POLR2F: variants seen among roughly 807,000 people sequenced by gnomAD.
POLR2F encodes the protein RNA polymerase II, I and III subunit F.
In POLR2F, 12 loss-of-function variants were observed where a neutral mutation model predicts 22.7. The observed-to-expected ratio is 0.53, with a 90% CI of 0.34 to 0.86. The LOEUF (loss-of-function observed/expected upper bound fraction) is 0.86, where lower values mean the gene tolerates loss of function less well. Ranked by LOEUF, POLR2F falls within the 40% of genes least tolerant of loss-of-function variation. The pLI is 0.02. For synonymous variants in POLR2F, 57 were observed against 66.0 expected (o/e 0.86, Z 0.66); for missense variants, 126 against 171.5 (o/e 0.73, Z 1.48).
chr22:38,018,492 CAGGCCTCAGGCTTAGGGTGGGGTCA>C (rs1253592382), intron 1 of POLR2F, among the ~76,000 whole-genome samples: 1 of 151,964 alleles, frequency 6.6e-6, no homozygotes, highest in East Asian at 1.9e-4. Flanking sequence ...GGGTCAGGGT[CAGGCCTCAGGCTTAGGGTGGGGTCA>C]AGGCCTCAGG....
At chr22:37,991,437 T>A (rs933927564) in intron 1 of POLR2F, among the ~76,000 whole-genome samples, 5 of 152,122 alleles carry the variant, frequency 3.3e-5, no homozygotes, top group African/African-American at 2.4e-5. Context: ...TTAAAACAAA[T>A]TTTTTTTAAA....
At chr22:37,983,275 T>C (rs1230423985), upstream of POLR2F, 2 of 1,464,072 alleles carry the variant, frequency 1.4e-6, no homozygotes, top group Non-Finnish European at 1.9e-6. This position sits in a 1 kb window ranked among gnomAD's most constrained non-coding sequence, Gnocchi z 9.5. Flanking sequence ...CGCTCTGAGG[T>C]GCAGGAGGCC....
At chr22:37,964,513 T>G (rs1931774601) in intron 3 of POLR2F, among the ~76,000 whole-genome samples, 2 of 152,042 alleles carry the variant, frequency 1.3e-5, no homozygotes, top group Non-Finnish European at 2.9e-5. Flanking sequence ...GAGGCCAACA[T>G]CCAGCATCCA....
At chr22:37,973,656 G>A, downstream of POLR2F, 1 of 1,613,798 alleles carries the variant, frequency 6.2e-7, no homozygotes, top group African/African-American at 1.3e-5. Flanking sequence ...TGGCCCGAGT[G>A]GCCATAATAG....
In POLR2F at chr22:37,968,453, T is replaced by C; in HGVS notation, c.*738T>C. ...CTATAAGATATCCTTTCCCTCCTAT[T>C]TGGGGCTGGTGATCCCCTGAGGCCT... On this transcript the variant is annotated 3_prime_UTR_variant, in exon 5 of 5. Transcript: ENST00000442738. 2.0e-5 allele frequency: 20 copies of C among 985,890 alleles called. No individual in the cohort carries two copies. Among genetic ancestry groups the C allele is most frequent in the Non-Finnish European group, 2.4e-5 (20 of 830,226 alleles). The allele number at this position is 985,890 out of a possible 1,614,324, so 61.1% of individuals were successfully genotyped here.
At chr22:37,967,466 CT>C in intron 4 of POLR2F, 158 bp from the exon 5 acceptor site, 2 of 1,439,626 alleles carry the variant, frequency 1.4e-6, no homozygotes, top group Middle Eastern at 4.5e-4. Flanking sequence ...TAAAAACTTT[CT>C]TTTTCTTGTA....
Position 38,022,568 on chromosome 22 carries a change from A to G in POLR2F, c.121-3301A>G, listed in dbSNP as rs570746685. The stretch of plus-strand genomic sequence containing the variant: ...CGCTGTCTCAAAAAAAAAAAAAAAA[A>G]AAAGAAAGAAAGACAGAAAAGAATC... On this transcript the variant is annotated intron_variant, in intron 1 of 2. Transcript: ENST00000333418. Among the ~76,000 whole-genome samples the G allele has an allele frequency of 4.3e-3, 643 of 151,188 alleles. 4 individuals are homozygous for G. The highest frequency in any genetic ancestry group is 0.013 in the African/African-American group (541 of 41,148).
rs146241585 is a variant in POLR2F at position 38,006,421 on chromosome 22, C to T, written c.121-19448C>T. ...CTGACCACAGCCACCCAGCCCATAG[C>T]AAGGGCCACCCTCCAGCCGCTCACT... On this transcript the variant is annotated intron_variant, in intron 1 of 2. Transcript: ENST00000333418. 3.1e-3 allele frequency among the ~76,000 whole-genome samples: 474 copies of T among 152,264 alleles called. 4 individuals carry two copies. Among genetic ancestry groups the T allele is most frequent in the African/African-American group, 0.011 (445 of 41,554 alleles).
chr22:37,995,435 G>A (rs771299003), intron 1 of POLR2F, among the ~76,000 whole-genome samples: 3 of 152,124 alleles, frequency 2.0e-5, no homozygotes, highest in Non-Finnish European at 2.9e-5. Flanking sequence ...ATCACCTAAA[G>A]CTCATGTCTA....
intron 1 of POLR2F, among the ~76,000 whole-genome samples, chr22:37,999,400 T>C (rs1387171458): frequency 6.6e-6 from 1 of 152,150 alleles, no homozygotes; most frequent in African/African-American, 2.4e-5. Context: ...CAGGCCCCTG[T>C]GGCAGCCTCA....
In POLR2F at chr22:37,956,783, G is replaced by T; in HGVS notation, c.31G>T (p.Asp11Tyr). The change falls in exon 2 of 5, where the codon GAC becomes TAC. Residue 11 changes from aspartate (D) to tyrosine (Y), a missense_variant. Physicochemically the swap from Asp to Tyr is radical, Grantham distance 160 (BLOSUM62 -3). Coordinates refer to ENST00000442738, the MANE Select transcript of POLR2F (RefSeq NM_021974.5). MSDNEDNFDG[D>Y]DFDDVEEDEG... ...CTTCTTCCTGTACAGTTTTGATGGC[G>T]ACGACTTTGATGATGTGGAGGAGGA... is the stretch of plus-strand genomic sequence containing the variant. The T allele has an allele frequency of 6.2e-7, 1 of 1,613,746 alleles. No homozygotes were observed. The highest frequency in any genetic ancestry group is 8.5e-7 in the Non-Finnish European group (1 of 1,179,666).
upstream of POLR2F, among the ~76,000 whole-genome samples, chr22:37,981,618 G>A (rs1020573677): frequency 6.6e-6 from 1 of 152,208 alleles, no homozygotes; most frequent in South Asian, 2.1e-4. Flanking sequence ...TTTGACTCTC[G>A]TTGGGCTCGT....
rs187771026 is a variant in POLR2F at position 37,960,082 on chromosome 22, G to A, written c.221+606G>A. 1.7e-3 allele frequency among the ~76,000 whole-genome samples: 261 copies of A among 152,036 alleles called. 1 individual carries two copies. The highest frequency in any genetic ancestry group is 1.6e-4 in the Non-Finnish European group (11 of 67,962). Reference sequence around the variant, plus strand: ...GCCTCCCAAAGTGTTGGGATTGCAGGTGAGAGCCACCGCGCCCGGCCATGG... The same window carrying A: ...GCCTCCCAAAGTGTTGGGATTGCAGATGAGAGCCACCGCGCCCGGCCATGG... On this transcript the variant is annotated intron_variant, in intron 3 of 4. Coordinates refer to ENST00000442738, the MANE Select transcript of POLR2F (RefSeq NM_021974.5).
chr22:38,028,554 ATGTG>A (rs1416261263), downstream of POLR2F, among the ~76,000 whole-genome samples: 2 of 151,516 alleles, frequency 1.3e-5, no homozygotes, highest in Non-Finnish European at 2.9e-5. Context: ...GTGTGCATGT[ATGTG>A]TGTGCATACG....
intron 1 of POLR2F, chr22:38,025,474 G>A (rs1166735138): frequency 1.2e-5 from 16 of 1,387,140 alleles, no homozygotes; most frequent in African/African-American, 7.3e-5. Flanking sequence ...TCAAAGATAC[G>A]ATCACAAACA....
intron 1 of POLR2F, among the ~76,000 whole-genome samples, chr22:37,954,355 T>C (rs900830832): frequency 6.6e-6 from 1 of 151,454 alleles, no homozygotes; most frequent in Non-Finnish European, 1.5e-5. Context: ...CAGGCTGGAG[T>C]GCAGTGGCGC....
intron 1 of POLR2F, among the ~76,000 whole-genome samples, chr22:38,002,587 CATGGGGCTGGGGTT>C (rs2084781842): frequency 1.3e-5 from 2 of 151,000 alleles, no homozygotes; most frequent in South Asian, 4.2e-4. Context: ...TGGCTGGGGC[CATGGGGCTGGGGTT>C]GCTCAGCAAA....
At chr22:37,986,027 C>T (rs1353750291), upstream of POLR2F, 22 of 1,380,588 alleles carry the variant, frequency 1.6e-5, no homozygotes, top group Non-Finnish European at 2.1e-5. This position sits in a 1 kb window ranked among gnomAD's most constrained non-coding sequence, Gnocchi z 4.7. Flanking sequence ...CTCCCCCCGC[C>T]TCCCTTCTCT....
chr22:38,026,495 T>G, exon 3 of POLR2F: 1 of 360,074 alleles, frequency 2.8e-6, no homozygotes, highest in East Asian at 7.5e-5. Flanking sequence ...CATCTGCAAC[T>G]GTGAGATTCT....
Sources: gnomAD v4.1 joint callset for allele counts (sites outside exome capture counted in the v4.1 genomes callset) on GRCh38, gnomAD v4.1.1 for gene constraint, Gnocchi (gnomAD v3.1) non-coding constraint, MANE v1.5 for transcripts, NCBI Gene and HGNC (gene_info 2026-07-23, HGNC 2026-07-21) for gene names.